The following TBC1D22A variants were observed in gnomAD, a reference collection of about 807,000 sequenced individuals.
TBC1D22A encodes putative GTPase activator.
Under a neutral mutation model 60.2 loss-of-function variants are expected in TBC1D22A, and 38 were observed. That is an observed-to-expected ratio of 0.63 (90% CI 0.49 to 0.83). The LOEUF is 0.83. Among genes scored for constraint, TBC1D22A ranks in the 40% least tolerant of loss-of-function variants. The pLI, the probability that TBC1D22A is intolerant of heterozygous loss-of-function variation, is 0.00. For synonymous variants in TBC1D22A, 302 were observed against 281.7 expected (o/e 1.07, Z -0.72); for missense variants, 628 against 701.0 (o/e 0.90, Z 1.18).
At chr22:47,112,962 A>G (rs2065904708) in intron 12 of TBC1D22A, among the ~76,000 whole-genome samples, 1 of 152,200 alleles carries the variant, frequency 6.6e-6, no homozygotes, top group Non-Finnish European at 1.5e-5. Context: ...AAGAGGGGCC[A>G]TGACTTGCTG....
At position 47,148,025 on chromosome 22, in the gene TBC1D22A, C is replaced by G. The variant is rs552283533; in HGVS notation, c.1426-25473C>G. Among the ~76,000 whole-genome samples the G allele has an allele frequency of 2.6e-5, 4 of 152,332 alleles. No homozygotes were observed. In the East Asian group the frequency reaches 7.7e-4, roughly 29 times the overall value. On this transcript the variant is annotated intron_variant, in intron 12 of 12. Transcript: ENST00000337137. ...CTAGGACAGTGCCAGGGAAGAGACTCTCACAGGCCCTTGATCCCAGAGGTG... is the reference window on the plus strand; with the variant it reads ...CTAGGACAGTGCCAGGGAAGAGACTGTCACAGGCCCTTGATCCCAGAGGTG...
chr22:46,872,107 G>C (rs76158296), intron 4 of TBC1D22A, among the ~76,000 whole-genome samples: 177 of 152,216 alleles, frequency 1.2e-3, no homozygotes, highest in African/African-American at 3.9e-3. Flanking sequence ...AGAAGAAATG[G>C]AGACCTTTAA....
Position 46,959,121 on chromosome 22 carries a change from T to C in TBC1D22A, c.1016-15169T>C, listed in dbSNP as rs2073361186. ...AGAGCGTTTCTTGTTGGTTTTCGCT[T>C]TCCTGGATGAGGAACTGTGGGGCTT... On this transcript the variant is annotated intron_variant, in intron 8 of 12. Transcript: ENST00000337137. Among the ~76,000 whole-genome samples, 4 of 152,330 alleles carry C rather than the reference T, an allele frequency of 2.6e-5. No individual in the cohort carries two copies. In the South Asian group the frequency reaches 8.3e-4, roughly 32 times the overall value.
intron 11 of TBC1D22A, among the ~76,000 whole-genome samples, chr22:47,038,388 G>C (rs1187017638): frequency 6.6e-6 from 1 of 152,208 alleles, no homozygotes; most frequent in Admixed American, 6.5e-5. Flanking sequence ...AGGCGGCATA[G>C]GTCCCAGGCA....
intron 9 of TBC1D22A, among the ~76,000 whole-genome samples, chr22:46,974,739 AG>A (rs1164370301): frequency 2.0e-5 from 3 of 152,162 alleles, no homozygotes; most frequent in African/African-American, 7.2e-5. Flanking sequence ...CTGTGCTAAG[AG>A]GGATCCTCCT....
chr22:47,135,560 C>G (rs1191625856), intron 12 of TBC1D22A, among the ~76,000 whole-genome samples: 3 of 152,170 alleles, frequency 2.0e-5, no homozygotes, highest in Non-Finnish European at 4.4e-5. Context: ...GAGCCAGGCC[C>G]TGGATTGATG....
chr22:46,985,807 G>A (rs987468666), intron 9 of TBC1D22A, among the ~76,000 whole-genome samples: 52 of 152,040 alleles, frequency 3.4e-4, no homozygotes, highest in African/African-American at 1.3e-3. Context: ...TTCCCCACAG[G>A]GTCTTCATTT....
At chr22:47,129,820 C>T (rs1310524219) in intron 12 of TBC1D22A, among the ~76,000 whole-genome samples, 6 of 152,260 alleles carry the variant, frequency 3.9e-5, no homozygotes, top group African/African-American at 7.2e-5. Context: ...CCTCCTCACA[C>T]CGCCAGAGGC....
chr22:46,951,354 C>T (rs1170532019), intron 8 of TBC1D22A, among the ~76,000 whole-genome samples: 1 of 152,170 alleles, frequency 6.6e-6, no homozygotes, highest in Non-Finnish European at 1.5e-5. Context: ...AAAATGGTAG[C>T]ATTTTCTGAG....
At chr22:47,138,003 T>C (rs931629989) in intron 12 of TBC1D22A, among the ~76,000 whole-genome samples, 2 of 152,150 alleles carry the variant, frequency 1.3e-5, no homozygotes, top group African/African-American at 4.8e-5. Flanking sequence ...TTGTTGCAAA[T>C]GCCGGAGAAA....
Position 47,038,640 on chromosome 22 carries a change from C to T in TBC1D22A, c.1329+1442C>T, listed in dbSNP as rs570373696. On this transcript the variant is annotated intron_variant, in intron 11 of 12. Coordinates refer to ENST00000337137, the MANE Select transcript of TBC1D22A (RefSeq NM_014346.5). ...TGCCCCAAAGCTTTGTTCCTGACAC[C>T]GGTTGCTGGTCAGTGTGCCCCTTGG... Among the ~76,000 whole-genome samples the T allele has an allele frequency of 4.6e-5, 7 of 152,268 alleles. No individual in the cohort carries two copies. The South Asian group carries it at 8.3e-4, about 18-fold the overall frequency.
intron 11 of TBC1D22A, among the ~76,000 whole-genome samples, chr22:47,043,355 C>T (rs569329351): frequency 1.0e-3 from 159 of 152,164 alleles, no homozygotes; most frequent in African/African-American, 3.7e-3. Context: ...GCGACGGGCA[C>T]GAGGTCAGGG....
chr22:46,911,019 G>A (rs927681387), intron 7 of TBC1D22A, among the ~76,000 whole-genome samples: 1 of 152,116 alleles, frequency 6.6e-6, no homozygotes, highest in African/African-American at 2.4e-5. Flanking sequence ...ACTGCACTGG[G>A]GGTGGTGGGG....
chr22:47,156,520 C>T lies in TBC1D22A; in HGVS notation c.1426-16978C>T, dbSNP rs115531929. On this transcript the variant is annotated intron_variant, in intron 12 of 12. Coordinates refer to ENST00000337137, the MANE Select transcript of TBC1D22A (RefSeq NM_014346.5). ...GGAGGACACCTCACAGTTGTTAGAT[C>T]GATGCCTAGCTTGAGGCTGGCCGGA... Among the ~76,000 whole-genome samples the T allele has an allele frequency of 2.8e-3, 423 of 152,220 alleles. 3 individuals are homozygous for T. The highest frequency in any genetic ancestry group is 0.011 in the East Asian group (58 of 5,162).
At chr22:47,003,136 A>G (rs1384642978) in intron 10 of TBC1D22A, among the ~76,000 whole-genome samples, 1 of 152,148 alleles carries the variant, frequency 6.6e-6, no homozygotes, top group African/African-American at 2.4e-5. Context: ...TTAAACTTCA[A>G]TTTCATATAA....
chr22:46,943,171 A>G (rs1334318871), intron 8 of TBC1D22A, among the ~76,000 whole-genome samples: 1 of 151,960 alleles, frequency 6.6e-6, no homozygotes, highest in Non-Finnish European at 1.5e-5. Context: ...CTCCGAAGGG[A>G]GCTGCCCGCC....
At position 46,788,151 on chromosome 22, in the gene TBC1D22A, C is replaced by T. The variant is rs535141237; in HGVS notation, c.63-4369C>T. Among the ~76,000 whole-genome samples the T allele has an allele frequency of 4.2e-3, 637 of 151,944 alleles. 5 individuals are homozygous for T. The highest frequency in any genetic ancestry group is 4.4e-3 in the Non-Finnish European group (298 of 67,954). On this transcript the variant is annotated intron_variant, in intron 1 of 12. Coordinates refer to ENST00000337137, the MANE Select transcript of TBC1D22A (RefSeq NM_014346.5). ...CGGGGTTTCACTGTGTTAGCCAGGA[C>T]GGTCTCGATCTCCAGACCTCGTGAT...
chr22:46,876,752 G>A (rs1207179557), intron 4 of TBC1D22A, among the ~76,000 whole-genome samples: 2 of 152,194 alleles, frequency 1.3e-5, no homozygotes, highest in African/African-American at 4.8e-5. Context: ...GCTCTGCGGG[G>A]CTCCAACTAG....
intron 10 of TBC1D22A, among the ~76,000 whole-genome samples, chr22:47,019,237 C>T (rs562013037): frequency 1.3e-5 from 2 of 152,362 alleles, no homozygotes; most frequent in South Asian, 2.1e-4. Context: ...AGCACCTGCT[C>T]GTGCCTCCTA....
Sources: allele counts gnomAD v4.1 joint callset (sites outside exome capture counted in the v4.1 genomes callset), GRCh38; gene constraint gnomAD v4.1.1; transcripts MANE v1.5; gene names NCBI Gene and HGNC (gene_info 2026-07-23, HGNC 2026-07-21).